Variants in ESRRG observed in about 807,000 individuals in gnomAD.
ESRRG encodes estrogen related receptor gamma.
In ESRRG, 13 loss-of-function variants were observed where a neutral mutation model predicts 44.0. That is an observed-to-expected ratio of 0.30 (90% CI 0.19 to 0.47). The LOEUF (loss-of-function observed/expected upper bound fraction) is 0.47, where lower values mean the gene tolerates loss of function less well. ESRRG is among the 20% of genes least tolerant of loss of function. The pLI is 1.00. For synonymous variants in ESRRG, 215 were observed against 214.6 expected (o/e 1.00, Z -0.02); for missense variants, 395 against 580.6 (o/e 0.68, Z 3.29).
chr1:216,832,718 C>A (rs560330036), intron 2 of ESRRG, among the ~76,000 whole-genome samples: 1 of 152,144 alleles, frequency 6.6e-6, no homozygotes, highest in Admixed American at 6.5e-5. Flanking sequence ...AATACTAACA[C>A]TTTGGGAGGC....
At chr1:216,537,803 C>A (rs2051439371) in intron 5 of ESRRG, among the ~76,000 whole-genome samples, 1 of 151,968 alleles carries the variant, frequency 6.6e-6, no homozygotes, top group Non-Finnish European at 1.5e-5. Flanking sequence ...AGGTGCAAAC[C>A]CACTCCAAGT....
At chr1:216,767,665 T>C (rs2093150757) in intron 2 of ESRRG, among the ~76,000 whole-genome samples, 1 of 152,186 alleles carries the variant, frequency 6.6e-6, no homozygotes, top group Non-Finnish European at 1.5e-5. Flanking sequence ...CCTGTGGCTA[T>C]GTGAATGTAC....
intron 1 of ESRRG, among the ~76,000 whole-genome samples, chr1:216,698,514 GTC>G (rs2080720495): frequency 1.1e-5 from 1 of 91,082 alleles, no homozygotes; most frequent in African/African-American, 3.7e-5. Flanking sequence ...GCAAGACTCA[GTC>G]TCAAAAAAAA....
chr1:216,916,834 C>CTTTTTTTTTTTTTTTT (rs749847047), intron 2 of ESRRG, among the ~76,000 whole-genome samples: 2 of 62,480 alleles, frequency 3.2e-5, no homozygotes, highest in Non-Finnish European at 5.6e-5. Flanking sequence ...CAGCTTTGGT[C>CTTTTTTTTTTTTTTTT]TTTTTTTTTT....
chr1:216,585,139 AT>A (rs2063526125), intron 3 of ESRRG, among the ~76,000 whole-genome samples: 1 of 152,212 alleles, frequency 6.6e-6, no homozygotes, highest in African/African-American at 2.4e-5. Context: ...TTAAAAAAAA[AT>A]CACCTACAGA....
chr1:217,038,806 G>A (rs1286833106), intron 1 of ESRRG, among the ~76,000 whole-genome samples: 1 of 152,170 alleles, frequency 6.6e-6, no homozygotes, highest in Non-Finnish European at 1.5e-5. Context: ...GCTGGCTTAA[G>A]TTTCTCCCCC....
At chr1:216,625,624 A>G (rs937641778) in intron 3 of ESRRG, among the ~76,000 whole-genome samples, 15 of 152,042 alleles carry the variant, frequency 9.9e-5, no homozygotes, top group African/African-American at 3.6e-4. Context: ...AGACTGCTCA[A>G]CTCCAAATTC....
At chr1:216,777,892 C>T (rs2093672571) in intron 2 of ESRRG, among the ~76,000 whole-genome samples, 1 of 152,076 alleles carries the variant, frequency 6.6e-6, no homozygotes, top group Non-Finnish European at 1.5e-5. Flanking sequence ...ATTATCTCTT[C>T]CATGCTGACT....
At chr1:216,804,791 C>T (rs967084912) in intron 2 of ESRRG, among the ~76,000 whole-genome samples, 3 of 152,254 alleles carry the variant, frequency 2.0e-5, no homozygotes, top group African/African-American at 4.8e-5. Flanking sequence ...CCTTCCCCAA[C>T]CGAGATACCT....
intron 1 of ESRRG, among the ~76,000 whole-genome samples, chr1:217,010,782 T>C (rs927210397): frequency 6.6e-6 from 1 of 152,140 alleles, no homozygotes; most frequent in Admixed American, 6.5e-5. Flanking sequence ...AGGAAAACAA[T>C]GACCTTGAAT....
intron 1 of ESRRG, among the ~76,000 whole-genome samples, chr1:216,708,210 AT>A (rs1278924881): frequency 1.3e-5 from 2 of 151,984 alleles, no homozygotes; most frequent in African/African-American, 2.4e-5. Flanking sequence ...AAAAAAAGCC[AT>A]TTAAAAAAAT....
chr1:216,545,606 T>C (rs758613660), intron 5 of ESRRG, among the ~76,000 whole-genome samples: 45 of 152,238 alleles, frequency 3.0e-4, no homozygotes, highest in South Asian at 6.2e-4. Context: ...CAAAATTTTA[T>C]TGATATTCAA....
At chr1:216,672,947 T>C (rs184349712) in intron 2 of ESRRG, among the ~76,000 whole-genome samples, 2 of 152,294 alleles carry the variant, frequency 1.3e-5, no homozygotes, top group East Asian at 3.9e-4. Flanking sequence ...GATGCACACG[T>C]CCCTTAAGTC....
chr1:216,987,333 G>A (rs2075033517), intron 1 of ESRRG, among the ~76,000 whole-genome samples: 1 of 152,212 alleles, frequency 6.6e-6, no homozygotes, highest in Non-Finnish European at 1.5e-5. Context: ...ACCTATGAAG[G>A]AATACAATGC....
chr1:217,080,633 TTTTGTTTGTTTG>T (rs200325050), intron 1 of ESRRG, among the ~76,000 whole-genome samples: 2 of 151,200 alleles, frequency 1.3e-5, no homozygotes, highest in African/African-American at 2.4e-5. Flanking sequence ...TCTAGTGTTT[TTTTGTTTGTTTG>T]TTTGTTTGTT....
chr1:216,669,572 C>T (rs2074712203), intron 2 of ESRRG, among the ~76,000 whole-genome samples: 1 of 152,230 alleles, frequency 6.6e-6, no homozygotes, highest in South Asian at 2.1e-4. Context: ...AAAAGTCAAA[C>T]TTACAACAAA....
intron 1 of ESRRG, among the ~76,000 whole-genome samples, chr1:217,114,284 A>T (rs144637921): frequency 6.6e-6 from 1 of 151,914 alleles, no homozygotes; most frequent in Non-Finnish European, 1.5e-5. Context: ...GAGTTATGTT[A>T]TCCCCTCACA....
intron 2 of ESRRG, among the ~76,000 whole-genome samples, chr1:216,815,828 G>A (rs1287946417): frequency 6.6e-6 from 1 of 152,046 alleles, no homozygotes; most frequent in African/African-American, 2.4e-5. Flanking sequence ...ACTATTCCCC[G>A]CCCCCAGCTC....
chr1:216,686,262 C>G (rs936396441), intron 1 of ESRRG: 1 of 151,954 alleles, frequency 6.6e-6, no homozygotes, highest in Non-Finnish European at 1.5e-5. Context: ...AATTCCTCCT[C>G]TATCCTCTTT....
Sources: allele counts gnomAD v4.1 joint callset (sites outside exome capture counted in the v4.1 genomes callset), GRCh38; gene constraint gnomAD v4.1.1; transcripts MANE v1.5; gene names NCBI Gene and HGNC (gene_info 2026-07-23, HGNC 2026-07-21).